Variants in PRMT8 observed in about 807,000 individuals in gnomAD.
PRMT8 encodes protein arginine N-methyltransferase 8.
Under a neutral mutation model 47.1 loss-of-function variants are expected in PRMT8, and 7 were observed. The ratio of observed to expected loss-of-function variants is 0.15; its 90% CI spans 0.08 to 0.28. The LOEUF is 0.28. PRMT8 is among the 10% of genes least tolerant of loss of function. PRMT8 has a pLI of 1.00. For synonymous variants in PRMT8, 188 were observed against 186.5 expected (o/e 1.01, Z -0.07); for missense variants, 237 against 505.4 (o/e 0.47, Z 5.09).
Position 3,577,010 on chromosome 12 carries a change from A to G in PRMT8, c.828+24A>G, listed in dbSNP as rs201105904. 5.2e-4 allele frequency: 834 copies of G among 1,598,442 alleles called. 1 individual carries two copies. The highest frequency in any genetic ancestry group is 6.1e-4 in the Non-Finnish European group (711 of 1,166,078). ...AGGTCTGGACACTCATCCGGGGTGGACCTGGGTGTGCTGGGAGCCCCGCTG... is the reference window on the plus strand; with the variant it reads ...AGGTCTGGACACTCATCCGGGGTGGGCCTGGGTGTGCTGGGAGCCCCGCTG... On this transcript the variant is annotated intron_variant, in intron 7 of 9. Transcript: ENST00000382622.
intron 1 of PRMT8, among the ~76,000 whole-genome samples, chr12:3,391,172 G>A (rs955198204): frequency 6.6e-5 from 10 of 152,162 alleles, no homozygotes; most frequent in East Asian, 1.9e-4. Flanking sequence ...TTATGTGCCC[G>A]GTGCTGTTCC....
At chr12:3,417,690 G>T (rs764959660) in intron 1 of PRMT8, among the ~76,000 whole-genome samples, 1 of 152,178 alleles carries the variant, frequency 6.6e-6, no homozygotes, top group Non-Finnish European at 1.5e-5. Context: ...TTCACCATCA[G>T]GTCTTCATTC....
At chr12:3,476,374 C>T (rs1865215101) in intron 1 of PRMT8, among the ~76,000 whole-genome samples, 1 of 152,154 alleles carries the variant, frequency 6.6e-6, no homozygotes, top group African/African-American at 2.4e-5. Context: ...TGGTCTCAGA[C>T]AGACCATTTC....
rs568238885 is a variant in PRMT8, at chr12:3,514,388, G to A, written c.75+22688G>A. Among the ~76,000 whole-genome samples the A allele has an allele frequency of 2.0e-5, 3 of 152,168 alleles. No homozygotes were observed. The South Asian group carries it at 6.2e-4, about 32-fold the overall frequency. On this transcript the variant is annotated intron_variant, in intron 1 of 9. Transcript: ENST00000382622. This position sits in a 1 kb window ranked among gnomAD's most constrained non-coding sequence, Gnocchi z 5.9. ...GATGCCAGCACCAGATTGCTGTTGG[G>A]GTGTGGCTGGCATTCGGGCTGCAAG...
chr12:3,523,053 C>T (rs1176542156), intron 1 of PRMT8, among the ~76,000 whole-genome samples: 1 of 152,100 alleles, frequency 6.6e-6, no homozygotes, highest in Non-Finnish European at 1.5e-5. Flanking sequence ...ATTAAAACCT[C>T]CACCCCCCAA....
chr12:3,395,127 G>C (rs1224504575), intron 1 of PRMT8, among the ~76,000 whole-genome samples: 1 of 148,626 alleles, frequency 6.7e-6, no homozygotes, highest in East Asian at 2.0e-4. Flanking sequence ...TCTTGCTAGC[G>C]GTCTATCAAT....
At chr12:3,581,083 A>G (rs3782744) in intron 7 of PRMT8, among the ~76,000 whole-genome samples, 112,984 of 152,076 alleles carry the variant, frequency 0.74, 42,324 homozygotes, top group African/African-American at 0.81. Flanking sequence ...TGCAAGCTGA[A>G]CCAGCAGTGT....
chr12:3,588,582 G>A (rs1163918498), intron 8 of PRMT8, among the ~76,000 whole-genome samples: 2 of 152,180 alleles, frequency 1.3e-5, no homozygotes, highest in Admixed American at 6.5e-5. Flanking sequence ...TGTTCATCCC[G>A]TTTGCTGTTC....
At chr12:3,441,821 A>C (rs1033544708) in intron 1 of PRMT8, among the ~76,000 whole-genome samples, 7 of 152,234 alleles carry the variant, frequency 4.6e-5, no homozygotes, top group Non-Finnish European at 8.8e-5. Context: ...CTTAAACTAC[A>C]AAGAGGACCT....
At chr12:3,448,933 T>C (rs1039075940) in intron 1 of PRMT8, among the ~76,000 whole-genome samples, 3 of 152,086 alleles carry the variant, frequency 2.0e-5, no homozygotes, top group African/African-American at 4.8e-5. Flanking sequence ...TTCCCCTCCC[T>C]GTGTCCATGT....
rs373709642 is a variant in PRMT8 at position 3,411,886 on chromosome 12, T to A, written c.48+30444T>A. 6.1e-4 allele frequency among the ~76,000 whole-genome samples: 93 copies of A among 152,368 alleles called. 1 individual carries two copies. The South Asian group carries it at 0.019, about 31-fold the overall frequency. On this transcript the variant is annotated intron_variant, in intron 1 of 9. Transcript: ENST00000452611. ...GAAATAAATGTCTTTTCTTTATGAATGACCCGGTCTCAGCTATTCACTTAT... is the reference window on the plus strand; with the variant it reads ...GAAATAAATGTCTTTTCTTTATGAAAGACCCGGTCTCAGCTATTCACTTAT...
chr12:3,453,650 G>C lies in PRMT8; in HGVS notation c.48+72208G>C, dbSNP rs1400469115. On this transcript the variant is annotated intron_variant, in intron 1 of 9. Coordinates refer to the PRMT8 transcript ENST00000452611. The surrounding 1 kb of genome is among the most constrained non-coding windows in gnomAD (Gnocchi z 4.9). ...GTCAGGGGACACCCTTAGGAGAGGAGCTTGCCCTTCACAGCCAGGGCAAAT... is the reference window on the plus strand; with the variant it reads ...GTCAGGGGACACCCTTAGGAGAGGACCTTGCCCTTCACAGCCAGGGCAAAT... Among the ~76,000 whole-genome samples, 1 of 152,176 alleles carries C rather than the reference G, an allele frequency of 6.6e-6. No individual in the cohort carries two copies. The highest frequency in any genetic ancestry group is 1.9e-4 in the East Asian group (1 of 5,186).
rs1335013804 is a variant in PRMT8, at chr12:3,456,859, C to G, written c.48+75417C>G. 1.3e-5 allele frequency among the ~76,000 whole-genome samples: 2 copies of G among 152,194 alleles called. No homozygotes were observed. The highest frequency in any genetic ancestry group is 3.9e-4 in the East Asian group (2 of 5,194). On this transcript the variant is annotated intron_variant, in intron 1 of 9. Transcript: ENST00000452611. The surrounding 1 kb of genome is among the most constrained non-coding windows in gnomAD (Gnocchi z 4.2). ...AAGCAGATCAACAACAGAACAGCAC[C>G]TGGGGCTCTCTTAAAGGCTTTAAAC...
At chr12:3,460,583 G>C (rs1013162211) in intron 1 of PRMT8, among the ~76,000 whole-genome samples, 10 of 152,162 alleles carry the variant, frequency 6.6e-5, no homozygotes, top group African/African-American at 2.4e-4. Flanking sequence ...GGATGTGGGG[G>C]TAATAGAGAT....
At chr12:3,487,351 C>T (rs1465019574), upstream of PRMT8, among the ~76,000 whole-genome samples, 1 of 32 alleles carries the variant, frequency 0.031, no homozygotes, top group Non-Finnish European at 0.071. Flanking sequence ...GCAGCATGGT[C>T]CGCAGTTAAA....
At chr12:3,472,819 C>A (rs1865173929) in intron 1 of PRMT8, among the ~76,000 whole-genome samples, 1 of 152,092 alleles carries the variant, frequency 6.6e-6, no homozygotes, top group African/African-American at 2.4e-5. Context: ...ACCCAGGGAA[C>A]TAGGGAGGCT....
chr12:3,422,019 G>A (rs1045000500), intron 1 of PRMT8, among the ~76,000 whole-genome samples: 5 of 152,168 alleles, frequency 3.3e-5, no homozygotes, highest in Non-Finnish European at 5.9e-5. Context: ...TCTGGTTCCA[G>A]GGGGCAGTGG....
In PRMT8 at chr12:3,550,271, T is replaced by C; in HGVS notation, c.417+180T>C. ...GAAGGGGAGCAGGCTGCCTGTCCCC[T>C]GTGCATGGCTCCTGGATCCTTACAA... is the stretch of plus-strand genomic sequence containing the variant. On this transcript the variant is annotated intron_variant, in intron 3 of 9. Transcript: ENST00000382622. This position sits in a 1 kb window ranked among gnomAD's most constrained non-coding sequence, Gnocchi z 5.1. The C allele has an allele frequency of 1.5e-6, 1 of 657,042 alleles. No homozygotes were observed. The highest frequency in any genetic ancestry group is 2.5e-6 in the Non-Finnish European group (1 of 392,698). 40.7% of individuals were successfully genotyped at this position (657,042 alleles called of 1,614,324 possible).
chr12:3,382,526 C>T (rs1245047536), intron 1 of PRMT8, among the ~76,000 whole-genome samples: 1 of 152,082 alleles, frequency 6.6e-6, no homozygotes, highest in African/African-American at 2.4e-5. Flanking sequence ...TGTACGTCCT[C>T]TTTGGTGAAA....
Sources: gnomAD v4.1 joint callset for allele counts (sites outside exome capture counted in the v4.1 genomes callset) on GRCh38, gnomAD v4.1.1 for gene constraint, Gnocchi (gnomAD v3.1) non-coding constraint, MANE v1.5 for transcripts, NCBI Gene and HGNC (gene_info 2026-07-23, HGNC 2026-07-21) for gene names.